Variants in ZNF793 observed in about 807,000 individuals in gnomAD.
The protein encoded by ZNF793 is zinc finger protein 793.
Under a neutral mutation model 12.4 loss-of-function variants are expected in ZNF793, and 5 were observed. The ratio of observed to expected loss-of-function variants is 0.40; its 90% CI spans 0.21 to 0.84. ZNF793 has a LOEUF of 0.84. Among genes scored for constraint, ZNF793 ranks in the 40% least tolerant of loss-of-function variants. The pLI, the probability that ZNF793 is intolerant of heterozygous loss-of-function variation, is 0.35. For missense variants in ZNF793, 456 were observed against 495.0 expected (o/e 0.92, Z 0.75); for synonymous variants, 162 against 172.4 (o/e 0.94, Z 0.47).
At chr19:37,521,212 C>T (rs189552824) in intron 3 of ZNF793, among the ~76,000 whole-genome samples, 34 of 152,226 alleles carry the variant, frequency 2.2e-4, no homozygotes, top group Non-Finnish European at 3.7e-4. Context: ...TGGTCTCAAT[C>T]TCCTGACCTT....
In ZNF793 at chr19:37,537,971, G is replaced by A; in HGVS notation, c.*92G>A. 7.2e-7 allele frequency: 1 copy of A among 1,391,874 alleles called. No individual in the cohort carries two copies. Among genetic ancestry groups the A allele is most frequent in the Non-Finnish European group, 9.4e-7 (1 of 1,060,466 alleles). 86.2% of individuals were successfully genotyped at this position (1,391,874 alleles called of 1,614,324 possible). A position where few individuals can be genotyped will look rare whatever the true frequency, so the allele number is the denominator to read the frequency against. On this transcript the variant is annotated 3_prime_UTR_variant, in exon 8 of 8. Coordinates refer to ENST00000627814, the MANE Select transcript of ZNF793 (RefSeq NM_001013659.3). ...TTGTCACCCAGGCTGGAGTGCAGTGGCGCGATCTCGGCTTACTGCAAGCTC... is the reference window on the plus strand; with the variant it reads ...TTGTCACCCAGGCTGGAGTGCAGTGACGCGATCTCGGCTTACTGCAAGCTC...
intron 2 of ZNF793, among the ~76,000 whole-genome samples, chr19:37,515,462 C>T (rs555830576): frequency 7.9e-5 from 12 of 152,124 alleles, no homozygotes; most frequent in African/African-American, 2.6e-4. Flanking sequence ...TGCCCGCCAC[C>T]CCACCCGGCC....
At position 37,541,056 on chromosome 19, in the gene ZNF793, G is replaced by A. The variant is rs1433092797; in HGVS notation, c.*3177G>A. ...TGAAATTAATATTGTATTGGCAAAG[G>A]AACAGGTAAATACATCATTAGAACA... On this transcript the variant is annotated 3_prime_UTR_variant, in exon 8 of 8. Coordinates refer to ENST00000627814, the MANE Select transcript of ZNF793 (RefSeq NM_001013659.3). 6.6e-6 allele frequency: 1 copy of A among 151,792 alleles called. No individual in the cohort carries two copies. The highest frequency in any genetic ancestry group is 1.5e-5 in the Non-Finnish European group (1 of 67,990). The allele number at this position is 151,792 out of a possible 1,614,324, so 9.4% of individuals were successfully genotyped here.
chr19:37,529,777 G>C (rs550706671), intron 5 of ZNF793, among the ~76,000 whole-genome samples: 36 of 152,316 alleles, frequency 2.4e-4, no homozygotes, highest in African/African-American at 7.9e-4. Flanking sequence ...ACAGTGGTGA[G>C]CCACCATGCC....
At chr19:37,520,653 AG>A (rs2042368061) in intron 3 of ZNF793, among the ~76,000 whole-genome samples, 1 of 152,124 alleles carries the variant, frequency 6.6e-6, no homozygotes, top group Admixed American at 6.6e-5. Context: ...TTTCAGGAGA[AG>A]GGGGCATCTT....
Position 37,533,299 on chromosome 19 carries a change from C to T in ZNF793, c.143-9C>T. 2 of 1,613,768 alleles carry T rather than the reference C, an allele frequency of 1.2e-6. No homozygotes were observed. Among genetic ancestry groups the T allele is most frequent in the Non-Finnish European group, 1.7e-6 (2 of 1,179,748 alleles). On this transcript the variant is annotated splice_polypyrimidine_tract_variant and intron_variant, in intron 6 of 7. Coordinates refer to ENST00000627814, the MANE Select transcript of ZNF793 (RefSeq NM_001013659.3). Reference sequence around the variant, plus strand: ...CAGCCCAAGACCTGCATCAATTTCCCCGGAACAGGTTATGAAGGCACCAAA... The same window carrying T: ...CAGCCCAAGACCTGCATCAATTTCCTCGGAACAGGTTATGAAGGCACCAAA...
rs1375465780 is a variant in ZNF793, at chr19:37,539,702, A to T, written c.*1823A>T. The T allele has an allele frequency of 6.6e-6, 1 of 152,216 alleles. No individual in the cohort carries two copies. Among genetic ancestry groups the T allele is most frequent in the Non-Finnish European group, 1.5e-5 (1 of 68,034 alleles). 9.4% of individuals were successfully genotyped at this position (152,216 alleles called of 1,614,324 possible). A position where few individuals can be genotyped will look rare whatever the true frequency, so the allele number is the denominator to read the frequency against. On this transcript the variant is annotated 3_prime_UTR_variant, in exon 8 of 8. Coordinates refer to ENST00000627814, the MANE Select transcript of ZNF793 (RefSeq NM_001013659.3). ...ACTCTAATCAACATATTTTTTAAAA[A>T]GAGGAGGTGGATGCTTTTCTAATAA... is the stretch of plus-strand genomic sequence containing the variant.
chr19:37,516,459 T>C (rs2042333105), intron 2 of ZNF793, among the ~76,000 whole-genome samples: 1 of 151,586 alleles, frequency 6.6e-6, no homozygotes, highest in Non-Finnish European at 1.5e-5. Context: ...AGATTGTGAC[T>C]GAGAGCATCC....
chr19:37,537,240 G>A lies in ZNF793; in HGVS notation c.582G>A (p.Glu194=). 6.2e-7 allele frequency: 1 copy of A among 1,613,906 alleles called. No individual in the cohort carries two copies. The highest frequency in any genetic ancestry group is 8.5e-7 in the Non-Finnish European group (1 of 1,179,892). The change falls in exon 8 of 8, where the codon GAG becomes GAA. Residue 194 remains glutamate (E), a synonymous_variant. Coordinates refer to ENST00000627814, the MANE Select transcript of ZNF793 (RefSeq NM_001013659.3). ...GEKPRGCSHC[E]KAFTQNPALM... ...AGCCCCGGGGTTGCAGTCACTGTGA[G>A]AAAGCTTTCACCCAGAACCCGGCAC... is the stretch of plus-strand genomic sequence containing the variant.
intron 2 of ZNF793, among the ~76,000 whole-genome samples, chr19:37,514,199 T>G (rs2042313502): frequency 6.6e-6 from 1 of 152,086 alleles, no homozygotes; most frequent in South Asian, 2.1e-4. Context: ...AAAACTTCCT[T>G]AAGAAGAGAA....
At chr19:37,519,514 A>G (rs1241987930) in intron 2 of ZNF793, among the ~76,000 whole-genome samples, 1 of 152,222 alleles carries the variant, frequency 6.6e-6, no homozygotes, top group Non-Finnish European at 1.5e-5. Flanking sequence ...GAAACTAATA[A>G]ACCCAGTTTA....
Position 37,523,438 on chromosome 19 carries a change from A to C in ZNF793, c.-2A>C, listed in dbSNP as rs1433471545. On this transcript the variant is annotated 5_prime_UTR_variant, in exon 5 of 8. Transcript: ENST00000627814. The stretch of plus-strand genomic sequence containing the variant: ...TCAGATCTTTTTCAAGAACAGCAGA[A>C]AATGATCGAATACCAGGTAAGTATC... The C allele has an allele frequency of 6.2e-7, 1 of 1,613,824 alleles. No individual in the cohort carries two copies. Among genetic ancestry groups the C allele is most frequent in the Non-Finnish European group, 8.5e-7 (1 of 1,179,710 alleles).
chr19:37,524,332 T>A (rs1354881117), intron 5 of ZNF793, among the ~76,000 whole-genome samples: 1 of 152,158 alleles, frequency 6.6e-6, no homozygotes, highest in Non-Finnish European at 1.5e-5. Flanking sequence ...CCATACCATT[T>A]TTTTAAACCA....
intron 5 of ZNF793, among the ~76,000 whole-genome samples, chr19:37,530,401 G>A (rs375065823): frequency 3.0e-4 from 45 of 149,430 alleles, no homozygotes; most frequent in East Asian, 1.8e-3. Flanking sequence ...CCACGAGGCC[G>A]TATTTCAGAC....
rs192785678 is a variant in ZNF793 at position 37,537,614 on chromosome 19, C to G, written c.956C>G (p.Ser319Trp). 3 of 1,614,110 alleles carry G rather than the reference C, an allele frequency of 1.9e-6. No homozygotes were observed. Among genetic ancestry groups the G allele is most frequent in the Admixed American group, 3.3e-5 (2 of 60,016 alleles). ...TTTGTCTGCAGTGAATGCGGGAAAT[C>G]GTTTGGTGAGAAGTCATACCTCAAT... ...RPFVCSECGK[S>W]FGEKSYLNVH... Residue 319 changes from serine (S) to tryptophan (W), a missense_variant, in exon 8 of 8, where the codon TCG (serine) becomes TGG (tryptophan). Transcript: ENST00000627814.
Position 37,540,736 on chromosome 19 carries a change from A to AAT in ZNF793, c.*2859_*2860dup, listed in dbSNP as rs1454095167. On this transcript the variant is annotated 3_prime_UTR_variant, in exon 8 of 8. Transcript: ENST00000627814. ...TTTACTGATGATATGGTTGTACACCAATAAATGAAAAGACTATTTTTTGAG... is the reference window on the plus strand; with the variant it reads ...TTTACTGATGATATGGTTGTACACCAATATAAATGAAAAGACTATTTTTTGAG... 4 of 152,048 alleles carry AAT rather than the reference A, an allele frequency of 2.6e-5. No individual in the cohort carries two copies. Among genetic ancestry groups the AAT allele is most frequent in the Non-Finnish European group, 5.9e-5 (4 of 67,984 alleles). The allele number at this position is 152,048 out of a possible 1,614,324, so 9.4% of individuals were successfully genotyped here. A position where few individuals can be genotyped will look rare whatever the true frequency, so the allele number is the denominator to read the frequency against.
chr19:37,514,699 A>G (rs1369645268), intron 2 of ZNF793, among the ~76,000 whole-genome samples: 1 of 152,180 alleles, frequency 6.6e-6, no homozygotes, highest in African/African-American at 2.4e-5. Context: ...ATTGATTCCA[A>G]AAACTGGAAA....
At chr19:37,520,011 G>A (rs1341506521) in intron 2 of ZNF793, among the ~76,000 whole-genome samples, 173 bp from the exon 3 acceptor site, 1 of 152,196 alleles carries the variant, frequency 6.6e-6, no homozygotes, top group Admixed American at 6.5e-5. Flanking sequence ...TTGGCTCAGG[G>A]AGTGACTCAG....
At chr19:37,513,767 A>G (rs1568785903) in intron 2 of ZNF793, among the ~76,000 whole-genome samples, 2 of 152,192 alleles carry the variant, frequency 1.3e-5, no homozygotes, top group South Asian at 2.1e-4. Context: ...ATTCTGTGAC[A>G]GTGAATCATA....
Sources: allele counts gnomAD v4.1 joint callset (sites outside exome capture counted in the v4.1 genomes callset), GRCh38; gene constraint gnomAD v4.1.1; transcripts MANE v1.5; gene names NCBI Gene and HGNC (gene_info 2026-07-23, HGNC 2026-07-21).